OR7D4: variants seen among roughly 807,000 people sequenced by gnomAD.
The protein encoded by OR7D4 is olfactory receptor 7D4.
For missense variants in OR7D4, 319 were observed against 377.1 expected (o/e 0.85, Z 1.27); for synonymous variants, 154 against 158.4 (o/e 0.97, Z 0.21).
chr19:9,217,677 TAC>T (rs2051224979), intron 1 of OR7D4, among the ~76,000 whole-genome samples: 1 of 152,156 alleles, frequency 6.6e-6, no homozygotes, highest in Admixed American at 6.5e-5. Context: ...TAGCTGGGAT[TAC>T]AGGTGTGTGC....
Position 9,214,776 on chromosome 19 carries a change from G to T in OR7D4, c.62C>A (p.Pro21His). ...CCCAAAGAGGACGGGCTGCAGTTCA[G>T]GATCATCTGAGAGTCCCAGGAGGAG... is the stretch of plus-strand genomic sequence containing the variant. ...KFLLLGLSDDPELQPVLFGLF... is the reference protein window; with the variant it reads ...KFLLLGLSDDHELQPVLFGLF... The change falls in exon 2 of 2, where the codon CCT (proline) becomes CAT (histidine). Residue 21 changes from proline (P) to histidine (H), a missense_variant. Transcript: ENST00000641669. 1 of 1,613,992 alleles carries T rather than the reference G, an allele frequency of 6.2e-7. No homozygotes were observed. Among genetic ancestry groups the T allele is most frequent in the Non-Finnish European group, 8.5e-7 (1 of 1,179,922 alleles).
chr19:9,214,963 C>T (rs1260858776), intron 1 of OR7D4, 113 bp from the exon 2 acceptor site: 1 of 612,402 alleles, frequency 1.6e-6, no homozygotes, highest in East Asian at 2.7e-5. Context: ...TCCTGGAGTC[C>T]TTACAAAGAC....
At position 9,213,968 on chromosome 19, in the gene OR7D4, G is replaced by A. The variant is rs1430583107; in HGVS notation, c.870C>T (p.Tyr290=). 2.5e-6 allele frequency: 4 copies of A among 1,614,182 alleles called. No homozygotes were observed. The East Asian group carries it at 6.7e-5, about 27-fold the overall frequency. ...CCTTCACATCCTTGTTCCTCAGGCT[G>A]TAGATGAAGGGGTTCAGCATGGGGG... is the stretch of plus-strand genomic sequence containing the variant. ...MVTPMLNPFI[Y]SLRNKDVKGA... Residue 290 remains tyrosine (Y), a synonymous_variant, in exon 2 of 2, where the codon TAC becomes TAT. Transcript: ENST00000641669.
At chr19:9,216,951 T>C (rs2051218828) in intron 1 of OR7D4, among the ~76,000 whole-genome samples, 1 of 152,208 alleles carries the variant, frequency 6.6e-6, no homozygotes. Context: ...TTTATCAATA[T>C]CAATATCCCC....
chr19:9,215,442 G>A (rs983868023), intron 1 of OR7D4, among the ~76,000 whole-genome samples: 21 of 150,888 alleles, frequency 1.4e-4, no homozygotes, highest in African/African-American at 5.1e-4. Context: ...CTTCTTTGGT[G>A]TGAATCTTCC....
rs2051187931 is a variant in OR7D4 at position 9,213,798 on chromosome 19, A to G, written c.*101T>C. On this transcript the variant is annotated 3_prime_UTR_variant, in exon 2 of 2. Coordinates refer to ENST00000641669, the MANE Select transcript of OR7D4 (RefSeq NM_001005191.3). ...TAACAACAACCAAAAATCCCACATCAAGCACATTTTTTAAAAGAGAAAAAG... is the reference window on the plus strand; with the variant it reads ...TAACAACAACCAAAAATCCCACATCGAGCACATTTTTTAAAAGAGAAAAAG... 1 of 817,970 alleles carries G rather than the reference A, an allele frequency of 1.2e-6. No individual in the cohort carries two copies. The highest frequency in any genetic ancestry group is 2.0e-6 in the Non-Finnish European group (1 of 511,428). The allele number at this position is 817,970 out of a possible 1,614,324, so 50.7% of individuals were successfully genotyped here. A position where few individuals can be genotyped will look rare whatever the true frequency, so the allele number is the denominator to read the frequency against.
At position 9,213,673 on chromosome 19, in the gene OR7D4, G is replaced by A. The variant is rs868026392; in HGVS notation, c.*226C>T. The A allele has an allele frequency of 7.9e-6, 4 of 508,224 alleles. No homozygotes were observed. The highest frequency in any genetic ancestry group is 6.8e-5 in the Admixed American group (2 of 29,578). The allele number at this position is 508,224 out of a possible 1,614,324, so 31.5% of individuals were successfully genotyped here. On this transcript the variant is annotated 3_prime_UTR_variant, in exon 2 of 2. Coordinates refer to ENST00000641669, the MANE Select transcript of OR7D4 (RefSeq NM_001005191.3). The stretch of plus-strand genomic sequence containing the variant: ...GAACCGCTTCAACCTGGGAGGTAGA[G>A]GTTGCAGTGAGCCAAGATTGCACCA...
At chr19:9,214,991 G>C in intron 1 of OR7D4, 141 bp from the exon 2 acceptor site, 1 of 593,640 alleles carries the variant, frequency 1.7e-6, no homozygotes, top group South Asian at 2.1e-5. Flanking sequence ...CTCTCAGGAA[G>C]TGGTATCTAT....
At position 9,219,199 on chromosome 19, in the gene OR7D4, C is replaced by G. The variant is rs1189792246; in HGVS notation, c.-14+1G>C. 3 of 151,982 alleles carry G rather than the reference C, an allele frequency of 2.0e-5. No homozygotes were observed. 9.4% of individuals were successfully genotyped at this position (151,982 alleles called of 1,614,324 possible). A position where few individuals can be genotyped will look rare whatever the true frequency, so the allele number is the denominator to read the frequency against. On this transcript the variant is annotated splice_donor_variant, in intron 1 of 1. Coordinates refer to ENST00000641669, the MANE Select transcript of OR7D4 (RefSeq NM_001005191.3). LOFTEE classifies it low-confidence loss of function (5UTR_SPLICE). ...TCACATTAGGAACACATAGACAATA[C>G]CTTGAGCATAGTAGATCTTCCGTGA...
rs2146017078 is a variant in OR7D4 at position 9,219,244 on chromosome 19, C to A, written c.-58G>T. 6.6e-6 allele frequency: 1 copy of A among 152,206 alleles called. No homozygotes were observed. Among genetic ancestry groups the A allele is most frequent in the East Asian group, 1.9e-4 (1 of 5,186 alleles). 9.4% of individuals were successfully genotyped at this position (152,206 alleles called of 1,614,324 possible). Reference sequence around the variant, plus strand: ...CCGTGAGTAGTTAATGAATAAGTAACTGGATGTACGAAATTCAACAGGAGA... The same window carrying A: ...CCGTGAGTAGTTAATGAATAAGTAAATGGATGTACGAAATTCAACAGGAGA... On this transcript the variant is annotated 5_prime_UTR_variant, in exon 1 of 2. Coordinates refer to ENST00000641669, the MANE Select transcript of OR7D4 (RefSeq NM_001005191.3).
At position 9,212,795 on chromosome 19, in the gene OR7D4, C is replaced by T. The variant is rs556231107; in HGVS notation, c.*1104G>A. On this transcript the variant is annotated 3_prime_UTR_variant, in exon 2 of 2. Coordinates refer to ENST00000641669, the MANE Select transcript of OR7D4 (RefSeq NM_001005191.3). ...TGAGACAGGGTCTTGCTCTGTCACC[C>T]AGGCTGGATTGCAGTGCCACGATCA... 6.6e-6 allele frequency: 1 copy of T among 152,326 alleles called. No individual in the cohort carries two copies. Among genetic ancestry groups the T allele is most frequent in the South Asian group, 2.1e-4 (1 of 4,820 alleles). 9.4% of individuals were successfully genotyped at this position (152,326 alleles called of 1,614,324 possible). A position where few individuals can be genotyped will look rare whatever the true frequency, so the allele number is the denominator to read the frequency against.
chr19:9,217,355 G>GA (rs949846305), intron 1 of OR7D4, among the ~76,000 whole-genome samples: 1 of 151,804 alleles, frequency 6.6e-6, no homozygotes, highest in African/African-American at 2.4e-5. Flanking sequence ...TTTGAGGTTT[G>GA]AAAAAAAATT....
At chr19:9,215,160 T>A (rs905326559) in intron 1 of OR7D4, among the ~76,000 whole-genome samples, 5 of 152,026 alleles carry the variant, frequency 3.3e-5, no homozygotes, top group African/African-American at 1.2e-4. Context: ...CTGGCCAATA[T>A]GGTGAAACCC....
In OR7D4 at chr19:9,211,424, A is replaced by G. The variant is rs2051171831; in HGVS notation, c.*2475T>C. Reference sequence around the variant, plus strand: ...GCCAACATAGATCAATCAGACAGAAAGAATTAGGGTCTTATCCAACTTAGC... The same window carrying G: ...GCCAACATAGATCAATCAGACAGAAGGAATTAGGGTCTTATCCAACTTAGC... On this transcript the variant is annotated 3_prime_UTR_variant, in exon 2 of 2. Transcript: ENST00000641669. 6.6e-6 allele frequency: 1 copy of G among 152,256 alleles called. No individual in the cohort carries two copies. Among genetic ancestry groups the G allele is most frequent in the African/African-American group, 2.4e-5 (1 of 41,472 alleles). The allele number at this position is 152,256 out of a possible 1,614,324, so 9.4% of individuals were successfully genotyped here. A position where few individuals can be genotyped will look rare whatever the true frequency, so the allele number is the denominator to read the frequency against.
In OR7D4 at chr19:9,214,326, C is replaced by T. The variant is rs1406984405; in HGVS notation, c.512G>A (p.Gly171Asp). 6.2e-7 allele frequency: 1 copy of T among 1,614,030 alleles called. No homozygotes were observed. Among genetic ancestry groups the T allele is most frequent in the East Asian group, 2.2e-5 (1 of 44,862 alleles). ...ACAGAAGAAATGCGGAATCTCAGTG[C>T]CTGTGGAGAAGGTCAACCTCTTCAT... Reference protein sequence around the residue: ...LLMKRLTFSTGTEIPHFFCEP... With the variant: ...LLMKRLTFSTDTEIPHFFCEP... Residue 171 changes from glycine to aspartate, a missense_variant, in exon 2 of 2, where the codon GGC (glycine) becomes GAC (aspartate). By Grantham distance (94) the Gly-to-Asp change is moderately conservative. Coordinates refer to ENST00000641669, the MANE Select transcript of OR7D4 (RefSeq NM_001005191.3).
At position 9,217,899 on chromosome 19, in the gene OR7D4, A is replaced by G. The variant is rs182565540; in HGVS notation, c.-14+1301T>C. Among the ~76,000 whole-genome samples the G allele has an allele frequency of 6.6e-5, 10 of 152,296 alleles. No individual in the cohort carries two copies. The East Asian group carries it at 1.9e-3, about 29-fold the overall frequency. On this transcript the variant is annotated intron_variant, in intron 1 of 1. Coordinates refer to ENST00000641669, the MANE Select transcript of OR7D4 (RefSeq NM_001005191.3). ...AGGGTAAATCTTCTAGGCTGACAGA[A>G]GAGAATTCGAGATTGTCCCATGGGT...
rs373373662 is a variant in OR7D4 at position 9,214,610 on chromosome 19, G to A, written c.228C>T (p.Thr76=). The change falls in exon 2 of 2, where the codon ACC becomes ACT. Residue 76 remains threonine, a synonymous_variant. Transcript: ENST00000641669. The stretch of plus-strand genomic sequence containing the variant: ...TGCTCACTAGCATCTTGGGGACTGT[G>A]GTGGAGATGAAACAGATGTCAACAA... ...LSFVDICFIS[T]TVPKMLVSIQ... The A allele has an allele frequency of 1.2e-6, 2 of 1,613,968 alleles. No homozygotes were observed. Among genetic ancestry groups the A allele is most frequent in the Non-Finnish European group, 1.7e-6 (2 of 1,179,944 alleles).
intron 1 of OR7D4, among the ~76,000 whole-genome samples, chr19:9,216,563 A>G (rs922703259): frequency 1.3e-5 from 2 of 152,100 alleles, no homozygotes; most frequent in Non-Finnish European, 2.9e-5. Context: ...GTGTCATACA[A>G]TGGATATTTC....
rs572107615 is a variant in OR7D4, at chr19:9,212,913, C to T, written c.*986G>A. 1 of 152,092 alleles carries T rather than the reference C, an allele frequency of 6.6e-6. No individual in the cohort carries two copies. Among genetic ancestry groups the T allele is most frequent in the South Asian group, 2.1e-4 (1 of 4,820 alleles). 9.4% of individuals were successfully genotyped at this position (152,092 alleles called of 1,614,324 possible). ...GAAGACAGGTGTGAGCCACTGTGCC[C>T]CGAAAATTTTATATCACTGTTTTTA... On this transcript the variant is annotated 3_prime_UTR_variant, in exon 2 of 2. Coordinates refer to ENST00000641669, the MANE Select transcript of OR7D4 (RefSeq NM_001005191.3).
Sources: allele counts gnomAD v4.1 joint callset (sites outside exome capture counted in the v4.1 genomes callset), GRCh38; gene constraint gnomAD v4.1.1; transcripts MANE v1.5; gene names NCBI Gene and HGNC (gene_info 2026-07-23, HGNC 2026-07-21).